Variants in SLC24A2 observed in about 807,000 individuals in gnomAD.
SLC24A2 encodes sodium/potassium/calcium exchanger 2.
SLC24A2 carries 36 observed loss-of-function variants against 62.0 expected under a neutral mutation model. The ratio of observed to expected loss-of-function variants is 0.58; its 90% CI spans 0.44 to 0.77. The LOEUF is 0.77. Among genes scored for constraint, SLC24A2 ranks in the 30% least tolerant of loss-of-function variants. The probability of loss-of-function intolerance (pLI) is 0.00; values close to 1 mark genes in which losing one functional copy is unlikely to be tolerated. For synonymous variants in SLC24A2, 358 were observed against 294.0 expected (o/e 1.22, Z -2.23); for missense variants, 846 against 817.9 (o/e 1.03, Z -0.42).
chr9:19,641,785 C>T (rs1818501414), intron 2 of SLC24A2, among the ~76,000 whole-genome samples: 1 of 152,142 alleles, frequency 6.6e-6, no homozygotes, highest in African/African-American at 2.4e-5. Context: ...ATGTCTATTC[C>T]CAAACCTGTT....
At chr9:20,240,842 T>C in the SLC24A2 span, among the ~76,000 whole-genome samples, 5 of 152,136 alleles carry the variant, frequency 3.3e-5, no homozygotes, top group East Asian at 7.7e-4. Context: ...CCATAATACT[T>C]TCACCAGCCC....
chr9:19,686,610 C>A (rs928228822), intron 2 of SLC24A2, among the ~76,000 whole-genome samples: 12 of 152,144 alleles, frequency 7.9e-5, no homozygotes, highest in Non-Finnish European at 1.3e-4. Flanking sequence ...CTCACAAGAT[C>A]TAATGGTTTT....
At chr9:19,883,407 C>T in the SLC24A2 span, among the ~76,000 whole-genome samples, 897 of 152,100 alleles carry the variant, frequency 5.9e-3, 11 homozygotes, top group African/African-American at 0.021. Flanking sequence ...GTATTGTAAG[C>T]AATTAAAATA....
intron 8 of SLC24A2, among the ~76,000 whole-genome samples, chr9:19,529,039 T>C (rs972749511): frequency 6.6e-6 from 1 of 152,216 alleles, no homozygotes; most frequent in Admixed American, 6.5e-5. Flanking sequence ...TGGTGTTCTT[T>C]TGATGTCCTT....
At chr9:20,292,311 T>C in the SLC24A2 span, among the ~76,000 whole-genome samples, 1 of 152,190 alleles carries the variant, frequency 6.6e-6, no homozygotes, top group Non-Finnish European at 1.5e-5. Context: ...GAAATCTTTA[T>C]TCCACTAATA....
chr9:20,074,605 A>AAAGAAG, the SLC24A2 span, among the ~76,000 whole-genome samples: 1 of 52,906 alleles, frequency 1.9e-5, no homozygotes, highest in African/African-American at 7.6e-5. Flanking sequence ...AAGGAAGGAA[A>AAAGAAG]GAAGGGAGTG....
the SLC24A2 span, among the ~76,000 whole-genome samples, chr9:19,965,532 G>A: frequency 1.2e-4 from 19 of 152,210 alleles, no homozygotes; most frequent in Admixed American, 6.5e-5. Flanking sequence ...GTGATGCGTA[G>A]CAAGTTGTTT....
intron 2 of SLC24A2, among the ~76,000 whole-genome samples, chr9:19,697,489 C>A (rs1414401136): frequency 6.6e-6 from 1 of 152,064 alleles, no homozygotes; most frequent in Non-Finnish European, 1.5e-5. Flanking sequence ...TTGTTCTAAC[C>A]AGAGAACTAA....
chr9:19,782,213 C>G (rs923169105), intron 2 of SLC24A2, among the ~76,000 whole-genome samples: 2 of 152,182 alleles, frequency 1.3e-5, no homozygotes, highest in Non-Finnish European at 2.9e-5. Flanking sequence ...TCAACGGCCC[C>G]CAGCAGCCAG....
the SLC24A2 span, among the ~76,000 whole-genome samples, chr9:19,978,884 AC>A: frequency 6.6e-6 from 1 of 152,182 alleles, no homozygotes; most frequent in African/African-American, 2.4e-5. Flanking sequence ...CAAAAAAGGC[AC>A]ATTTCTCTGC....
the SLC24A2 span, among the ~76,000 whole-genome samples, chr9:20,288,642 T>C: frequency 1.8e-3 from 270 of 150,948 alleles, 1 homozygote; most frequent in African/African-American, 6.2e-3. Flanking sequence ...TGGTGGCACA[T>C]GCCTGTTTGG....
chr9:19,758,932 A>C (rs934347633), intron 2 of SLC24A2, among the ~76,000 whole-genome samples: 2 of 152,238 alleles, frequency 1.3e-5, no homozygotes, highest in Non-Finnish European at 1.5e-5. Context: ...CCCATACCGC[A>C]ATGCACCTTC....
At chr9:19,867,657 C>T in the SLC24A2 span, among the ~76,000 whole-genome samples, 1 of 152,144 alleles carries the variant, frequency 6.6e-6, no homozygotes, top group Admixed American at 6.5e-5. Flanking sequence ...CGCCTGTAAT[C>T]CCAGCACTTT....
At chr9:20,228,310 A>T in the SLC24A2 span, among the ~76,000 whole-genome samples, 1 of 152,060 alleles carries the variant, frequency 6.6e-6, no homozygotes, top group Admixed American at 6.6e-5. Flanking sequence ...TCTGCTTTTC[A>T]AAACACAAGC....
At chr9:19,841,654 T>C in the SLC24A2 span, among the ~76,000 whole-genome samples, 1 of 152,208 alleles carries the variant, frequency 6.6e-6, no homozygotes, top group Non-Finnish European at 1.5e-5. Context: ...CACTGAAGCT[T>C]TGTCAAGTGA....
At chr9:19,721,829 T>C (rs1426641619) in intron 2 of SLC24A2, among the ~76,000 whole-genome samples, 1 of 152,186 alleles carries the variant, frequency 6.6e-6, no homozygotes, top group Non-Finnish European at 1.5e-5. Context: ...TGAGCCTTTA[T>C]GTTTGTGTAT....
intron 9 of SLC24A2, among the ~76,000 whole-genome samples, chr9:19,526,260 C>T (rs1413911132): frequency 6.6e-6 from 1 of 152,110 alleles, no homozygotes; most frequent in Non-Finnish European, 1.5e-5. Flanking sequence ...AGTTGATGGA[C>T]ATTTGGGTTG....
the SLC24A2 span, among the ~76,000 whole-genome samples, chr9:20,063,350 G>T: frequency 2.0e-5 from 3 of 150,742 alleles, no homozygotes; most frequent in Non-Finnish European, 2.9e-5. Flanking sequence ...TAGGGACGTG[G>T]ATGAAATCGG....
the SLC24A2 span, among the ~76,000 whole-genome samples, chr9:19,803,510 T>G: frequency 1.3e-5 from 2 of 152,210 alleles, no homozygotes; most frequent in Admixed American, 6.5e-5. Flanking sequence ...GGAGAAAGTC[T>G]GGAGTTTTAA....
Sources: gnomAD v4.1 joint callset for allele counts (sites outside exome capture counted in the v4.1 genomes callset) on GRCh38, gnomAD v4.1.1 for gene constraint, MANE v1.5 for transcripts, NCBI Gene and HGNC (gene_info 2026-07-23, HGNC 2026-07-21) for gene names.